Variants in SUB1 observed in about 807,000 individuals in gnomAD.
The protein encoded by SUB1 is activated RNA polymerase II transcriptional coactivator p15.
Under a neutral mutation model 16.9 loss-of-function variants are expected in SUB1, and 1 was observed. The ratio of observed to expected loss-of-function variants is 0.06; its 90% CI spans 0.02 to 0.28. The LOEUF (loss-of-function observed/expected upper bound fraction) is 0.28. Ranked by LOEUF, SUB1 falls within the 10% of genes least tolerant of loss-of-function variation. The pLI is 1.00. For synonymous variants in SUB1, 51 were observed against 46.9 expected, an observed-to-expected ratio of 1.09 and a Z score of -0.36; for missense variants, 84 against 145.2, an observed-to-expected ratio of 0.58 and a Z score of 2.16.
intron 2 of SUB1, among the ~76,000 whole-genome samples, chr5:32,590,923 C>A (rs986932657): frequency 6.6e-6 from 1 of 151,826 alleles, no homozygotes; most frequent in Non-Finnish European, 1.5e-5. Flanking sequence ...CCCACCACCA[C>A]GCCTGGCTAA....
rs1477100930 is a variant in SUB1 at position 32,603,691 on chromosome 5, G to T, written c.*2607G>T. 3.3e-5 allele frequency: 5 copies of T among 152,162 alleles called. No homozygotes were observed. Among genetic ancestry groups the T allele is most frequent in the Non-Finnish European group, 7.4e-5 (5 of 68,010 alleles). 9.4% of individuals were successfully genotyped at this position (152,162 alleles called of 1,614,324 possible). Reference sequence around the variant, plus strand: ...AATGCGTTTAGAAACAAAGACTTGGGTGAAAAATGAAATAAGTATATTCTG... The same window carrying T: ...AATGCGTTTAGAAACAAAGACTTGGTTGAAAAATGAAATAAGTATATTCTG... On this transcript the variant is annotated 3_prime_UTR_variant, in exon 5 of 5. Coordinates refer to ENST00000265073, the MANE Select transcript of SUB1 (RefSeq NM_006713.4).
intron 2 of SUB1, among the ~76,000 whole-genome samples, chr5:32,589,082 T>G (rs1738750098): frequency 6.6e-6 from 1 of 151,306 alleles, no homozygotes; most frequent in African/African-American, 2.5e-5. Context: ...GATTTTTTTT[T>G]GTAAAATGTT....
chr5:32,590,071 T>G (rs1738779395), intron 2 of SUB1, among the ~76,000 whole-genome samples: 1 of 152,244 alleles, frequency 6.6e-6, no homozygotes, highest in African/African-American at 2.4e-5. Context: ...CACATGTGTA[T>G]TGAGCTTTTA....
intron 3 of SUB1, chr5:32,595,186 T>C (rs1738928127): frequency 7.0e-6 from 1 of 142,146 alleles, no homozygotes; most frequent in Non-Finnish European, 1.5e-5. Context: ...CAGATTCCTT[T>C]TTTTTTTAAA....
chr5:32,587,535 A>G (rs1738703513), intron 1 of SUB1, among the ~76,000 whole-genome samples: 1 of 152,132 alleles, frequency 6.6e-6, no homozygotes, highest in South Asian at 2.1e-4. Context: ...TCCCATAAAT[A>G]GGTTCTTCAA....
At chr5:32,586,155 C>T (rs938795938) in intron 1 of SUB1, 1 of 152,248 alleles carries the variant, frequency 6.6e-6, no homozygotes, top group African/African-American at 2.4e-5. Context: ...CCCACGCCGT[C>T]TTCTCCGCAC....
chr5:32,603,437 A>G lies in SUB1; in HGVS notation c.*2353A>G, dbSNP rs1399733497. The G allele has an allele frequency of 6.6e-6, 1 of 152,062 alleles. No homozygotes were observed. The highest frequency in any genetic ancestry group is 2.4e-5 in the African/African-American group (1 of 41,426). The allele number at this position is 152,062 out of a possible 1,614,324, so 9.4% of individuals were successfully genotyped here. A position where few individuals can be genotyped will look rare whatever the true frequency, so the allele number is the denominator to read the frequency against. On this transcript the variant is annotated 3_prime_UTR_variant, in exon 5 of 5. Coordinates refer to ENST00000265073, the MANE Select transcript of SUB1 (RefSeq NM_006713.4). ...CAGGTTTTTCCCTTTAACAGACTCT[A>G]TGTGTATCAGGGCTTTCTAATGGGT...
At position 32,587,812 on chromosome 5, in the gene SUB1, T is replaced by C. The variant is rs1009901463; in HGVS notation, c.-1-700T>C. ...TTAGTGGAGATAGGGTTTCACCATGTTGGCCAGGCTGGTCTCGAACTCCTG... is the reference window on the plus strand; with the variant it reads ...TTAGTGGAGATAGGGTTTCACCATGCTGGCCAGGCTGGTCTCGAACTCCTG... On this transcript the variant is annotated intron_variant, in intron 1 of 4. Coordinates refer to ENST00000265073, the MANE Select transcript of SUB1 (RefSeq NM_006713.4). Among the ~76,000 whole-genome samples, 9 of 152,160 alleles carry C rather than the reference T, an allele frequency of 5.9e-5. 1 individual carries two copies. Among genetic ancestry groups the C allele is most frequent in the Admixed American group, 3.3e-4 (5 of 15,274 alleles).
Position 32,602,342 on chromosome 5 carries a change from G to T in SUB1, c.*1258G>T, listed in dbSNP as rs549602901. On this transcript the variant is annotated 3_prime_UTR_variant, in exon 5 of 5. Coordinates refer to ENST00000265073, the MANE Select transcript of SUB1 (RefSeq NM_006713.4). ...GGAAATAATTCTCTTCTATCTAAAT[G>T]ATATACATATGATATTTTGAGATTT... 5.3e-6 allele frequency: 2 copies of T among 379,664 alleles called. No homozygotes were observed. Among genetic ancestry groups the T allele is most frequent in the East Asian group, 1.5e-4 (2 of 13,288 alleles). 23.5% of individuals were successfully genotyped at this position (379,664 alleles called of 1,614,324 possible).
intron 1 of SUB1, among the ~76,000 whole-genome samples, 190 bp from the exon 2 acceptor site, chr5:32,588,322 C>T (rs1738726333): frequency 6.6e-6 from 1 of 152,154 alleles, no homozygotes; most frequent in Non-Finnish European, 1.5e-5. Context: ...GCACATTGCA[C>T]CCTGCGTGTT....
In SUB1 at chr5:32,598,952, C is replaced by G. The variant is rs1402941835; in HGVS notation, c.196-9C>G. 6.2e-7 allele frequency: 1 copy of G among 1,604,710 alleles called. No homozygotes were observed. The highest frequency in any genetic ancestry group is 8.5e-7 in the Non-Finnish European group (1 of 1,174,194). On this transcript the variant is annotated splice_polypyrimidine_tract_variant and intron_variant, in intron 3 of 4. Transcript: ENST00000265073. Reference sequence around the variant, plus strand: ...GGAGCACCTCTTTTTATGTTTGTTTCTTTTGCAGATTGGGAAAATGAGGTA... The same window carrying G: ...GGAGCACCTCTTTTTATGTTTGTTTGTTTTGCAGATTGGGAAAATGAGGTA...
At chr5:32,600,456 C>G (rs1268819347) in intron 4 of SUB1, among the ~76,000 whole-genome samples, 8 of 152,170 alleles carry the variant, frequency 5.3e-5, no homozygotes, top group East Asian at 1.9e-4. Context: ...CTTATTTATT[C>G]TCATTGGTTA....
chr5:32,593,989 G>T (rs1738894757), intron 3 of SUB1, among the ~76,000 whole-genome samples: 1 of 152,172 alleles, frequency 6.6e-6, no homozygotes, highest in South Asian at 2.1e-4. Flanking sequence ...ACGGCGCCCA[G>T]CCTAGGCCTT....
intron 3 of SUB1, chr5:32,594,624 T>G (rs959199771): frequency 8.8e-6 from 4 of 454,658 alleles, no homozygotes; most frequent in African/African-American, 8.0e-5. Flanking sequence ...AGGTGAGCGG[T>G]GTGTGAGTGA....
At chr5:32,593,002 G>T (rs6873470) in intron 3 of SUB1, among the ~76,000 whole-genome samples, 37,132 of 152,024 alleles carry the variant, frequency 0.24, 5,641 homozygotes, top group Non-Finnish European at 0.33. Flanking sequence ...CAAAAAGTTG[G>T]GTGGAACGAG....
intron 4 of SUB1, among the ~76,000 whole-genome samples, chr5:32,599,436 C>T (rs747882040): frequency 4.2e-4 from 64 of 152,308 alleles, no homozygotes; most frequent in Admixed American, 3.0e-3. Context: ...GATTCAGCTC[C>T]TAAAAGCTAT....
In SUB1 at chr5:32,601,201, A is replaced by G; in HGVS notation, c.*117A>G. On this transcript the variant is annotated 3_prime_UTR_variant, in exon 5 of 5. Transcript: ENST00000265073. Reference sequence around the variant, plus strand: ...TATTGTATGTTTGGATTGCAGAAGAATTTGTAAGATGAATACTTTTTTTTA... The same window carrying G: ...TATTGTATGTTTGGATTGCAGAAGAGTTTGTAAGATGAATACTTTTTTTTA... 2.6e-6 allele frequency: 2 copies of G among 771,882 alleles called. No individual in the cohort carries two copies. The highest frequency in any genetic ancestry group is 4.2e-6 in the Non-Finnish European group (2 of 476,442). 47.8% of individuals were successfully genotyped at this position (771,882 alleles called of 1,614,324 possible).
At position 32,602,498 on chromosome 5, in the gene SUB1, C is replaced by G. The variant is rs1272330014; in HGVS notation, c.*1414C>G. 1.5e-5 allele frequency: 3 copies of G among 198,680 alleles called. No homozygotes were observed. Among genetic ancestry groups the G allele is most frequent in the Admixed American group, 5.6e-5 (1 of 17,966 alleles). The allele number at this position is 198,680 out of a possible 1,614,324, so 12.3% of individuals were successfully genotyped here. On this transcript the variant is annotated 3_prime_UTR_variant, in exon 5 of 5. Transcript: ENST00000265073. ...ATGGTTACCTGCTATTAAGGTCTGCCATATTAGAGTTTTGCACTATTTTGC... is the reference window on the plus strand; with the variant it reads ...ATGGTTACCTGCTATTAAGGTCTGCGATATTAGAGTTTTGCACTATTTTGC...
rs70961652 is a variant in SUB1, at chr5:32,590,762, A to ATTTTTTTTTTTTTTTTTTTTTTT, written c.73-800_73-778dup. 8.8e-5 allele frequency among the ~76,000 whole-genome samples: 3 copies of ATTTTTTTTTTTTTTTTTTTTTTT among 33,978 alleles called. 1 individual carries two copies. The highest frequency in any genetic ancestry group is 1.6e-4 in the Non-Finnish European group (3 of 18,662). The allele number at this position is 33,978 out of a possible 152,430, so 22.3% of individuals were successfully genotyped here. ...AGGCGTGTGCCACCACGCCTGGCTA[A>ATTTTTTTTTTTTTTTTTTTTTTT]TTTTTTTTTTTTTTTTTTTTTTTGA... On this transcript the variant is annotated intron_variant, in intron 2 of 4. Coordinates refer to ENST00000265073, the MANE Select transcript of SUB1 (RefSeq NM_006713.4).
Sources: gnomAD v4.1 joint callset for allele counts (sites outside exome capture counted in the v4.1 genomes callset) on GRCh38, gnomAD v4.1.1 for gene constraint, MANE v1.5 for transcripts, NCBI Gene and HGNC (gene_info 2026-07-23, HGNC 2026-07-21) for gene names.